The following ANGPTL5 variants were observed in gnomAD, a reference collection of about 807,000 sequenced individuals.
ANGPTL5 encodes angiopoietin-related protein 5.
A neutral mutation model predicts 39.4 loss-of-function variants in ANGPTL5; 34 were observed. The observed-to-expected ratio is 0.86, with a 90% confidence interval of 0.66 to 1.15. The LOEUF is 1.15. Among genes scored for constraint, ANGPTL5 ranks in the 50% most tolerant of loss-of-function variants. The pLI, the probability that ANGPTL5 is intolerant of heterozygous loss-of-function variation, is 0.00. For missense variants in ANGPTL5, 467 were observed against 457.5 expected, an observed-to-expected ratio of 1.02 and a Z score of -0.19; for synonymous variants, 146 against 152.1, an observed-to-expected ratio of 0.96 and a Z score of 0.29.
chr11:101,907,670 C>A, intron 2 of ANGPTL5, 144 bp downstream of exon 2: 1 of 621,784 alleles, frequency 1.6e-6, no homozygotes. Context: ...AATATTAAAG[C>A]AATTTTCAAC....
rs569131365 is a variant in ANGPTL5, at chr11:101,904,289, T to C, written c.439+525A>G. On this transcript the variant is annotated intron_variant, in intron 5 of 8. Transcript: ENST00000334289. ...CTTTAAACATTTGGGGATAAATTCA[T>C]ATTTATAAGATTTATAGGGTATTTT... Among the ~76,000 whole-genome samples, 144 of 152,276 alleles carry C rather than the reference T, an allele frequency of 9.5e-4. 1 individual carries two copies. Among genetic ancestry groups the C allele is most frequent in the Middle Eastern group, 3.4e-3 (1 of 294 alleles).
At chr11:101,915,190 G>C in intron 1 of ANGPTL5, 1 of 1,548,782 alleles carries the variant, frequency 6.5e-7, no homozygotes, top group Non-Finnish European at 8.8e-7. Context: ...CTGAGAGACG[G>C]AGTGTAGGGA....
intron 1 of ANGPTL5, among the ~76,000 whole-genome samples, chr11:101,910,186 G>A (rs899541925): frequency 1.1e-4 from 17 of 152,090 alleles, no homozygotes; most frequent in East Asian, 5.8e-4. Flanking sequence ...TGAGGCGGGC[G>A]GATTACCTGA....
chr11:101,903,026 C>G (rs898629175), intron 5 of ANGPTL5, among the ~76,000 whole-genome samples: 8 of 151,908 alleles, frequency 5.3e-5, no homozygotes, highest in Non-Finnish European at 1.2e-4. Context: ...TTCTCTTTAC[C>G]AATAAATAAT....
intron 7 of ANGPTL5, among the ~76,000 whole-genome samples, chr11:101,899,651 G>A (rs1299798175): frequency 6.6e-6 from 1 of 152,182 alleles, no homozygotes; most frequent in East Asian, 1.9e-4. Context: ...GCAGTTACCT[G>A]GGTATAAGCC....
rs1047583121 is a variant in ANGPTL5 at position 101,915,113 on chromosome 11, G to T, written c.-93+906C>A. 28 of 969,732 alleles carry T rather than the reference G, an allele frequency of 2.9e-5. No homozygotes were observed. The Admixed American group carries it at 4.5e-4, about 16-fold the overall frequency. The allele number at this position is 969,732 out of a possible 1,614,324, so 60.1% of individuals were successfully genotyped here. On this transcript the variant is annotated intron_variant, in intron 1 of 8. Coordinates refer to ENST00000334289, the MANE Select transcript of ANGPTL5 (RefSeq NM_178127.5). ...GCCTCAGCTGCCATCGCCGCTACAG[G>T]CACCAGTGCCGCTGCGCGGGAGCTA...
rs1939764859 is a variant in ANGPTL5 at position 101,894,926 on chromosome 11, T to C, written c.800A>G (p.Glu267Gly). 2 of 1,613,654 alleles carry C rather than the reference T, an allele frequency of 1.2e-6. No homozygotes were observed. Among genetic ancestry groups the C allele is most frequent in the Non-Finnish European group, 8.5e-7 (1 of 1,179,720 alleles). The change falls in exon 8 of 9, where the codon GAA becomes GGA. Residue 267 changes from glutamate to glycine, a missense_variant. By Grantham distance (98) the Glu-to-Gly change is moderately conservative (BLOSUM62 -2). Coordinates refer to ENST00000334289, the MANE Select transcript of ANGPTL5 (RefSeq NM_178127.5). ...ASYDNFWLED[E>G]TRFFKMHLGR... ...TAAGTGCATTTTAAAAAATCTCGTT[T>C]CATCCTCTAGCCAAAAATTATCATA...
intron 1 of ANGPTL5, among the ~76,000 whole-genome samples, chr11:101,911,655 A>G (rs1019422103): frequency 5.9e-5 from 9 of 152,158 alleles, no homozygotes; most frequent in African/African-American, 2.2e-4. Flanking sequence ...ACCATGAGTA[A>G]AAAGCTCCCT....
chr11:101,900,265 C>G, intron 7 of ANGPTL5, among the ~76,000 whole-genome samples, 165 bp downstream of exon 7: 1 of 152,110 alleles, frequency 6.6e-6, no homozygotes, highest in East Asian at 1.9e-4. Context: ...CACTGAAGAC[C>G]TACTTATTTT....
intron 1 of ANGPTL5, 31 bp downstream of exon 1, chr11:101,915,987 CT>C (rs1241862122): frequency 1.3e-5 from 2 of 152,250 alleles, no homozygotes; most frequent in African/African-American, 4.8e-5. Context: ...TGGATTAACT[CT>C]GACTTTTCTC....
chr11:101,896,412 G>A (rs1939796365), intron 7 of ANGPTL5, among the ~76,000 whole-genome samples: 1 of 151,908 alleles, frequency 6.6e-6, no homozygotes, highest in South Asian at 2.1e-4. Context: ...AAATGTGCAG[G>A]TTTGTTACAC....
In ANGPTL5 at chr11:101,916,207, G is replaced by A. The variant is rs1940208829; in HGVS notation, c.-281C>T. Reference sequence around the variant, plus strand: ...TCATCTTCAGTCTTGTCAGAGATGAGTGTCTTCTCTTTCCAAGTTAACTCT... The same window carrying A: ...TCATCTTCAGTCTTGTCAGAGATGAATGTCTTCTCTTTCCAAGTTAACTCT... On this transcript the variant is annotated 5_prime_UTR_variant, in exon 1 of 9. Coordinates refer to ENST00000334289, the MANE Select transcript of ANGPTL5 (RefSeq NM_178127.5). The A allele has an allele frequency of 6.6e-6, 1 of 152,220 alleles. No individual in the cohort carries two copies. Among genetic ancestry groups the A allele is most frequent in the Admixed American group, 6.5e-5 (1 of 15,278 alleles). 9.4% of individuals were successfully genotyped at this position (152,220 alleles called of 1,614,324 possible).
Position 101,891,422 on chromosome 11 carries a change from T to C in ANGPTL5, c.1024A>G (p.Asn342Asp). 6.2e-7 allele frequency: 1 copy of C among 1,614,100 alleles called. No individual in the cohort carries two copies. The highest frequency in any genetic ancestry group is 8.5e-7 in the Non-Finnish European group (1 of 1,179,992). Residue 342 changes from asparagine to aspartate, a missense_variant, in exon 9 of 9, where the codon AAT becomes GAT. Transcript: ENST00000334289. ...GWWFNECGLA[N>D]LNGIHHFSGK... ...GAGAAGTGATGAATGCCATTTAGAT[T>C]TGCTAGACCACACTCGTTAAACCAC...
chr11:101,902,780 T>C (rs192881327), intron 5 of ANGPTL5, 59 bp from the exon 6 acceptor site: 3 of 1,113,152 alleles, frequency 2.7e-6, no homozygotes, highest in Admixed American at 1.7e-5. Context: ...AGGCAATCAT[T>C]TTACTATAGA....
chr11:101,910,505 T>C (rs1940074851), intron 1 of ANGPTL5, among the ~76,000 whole-genome samples: 1 of 151,798 alleles, frequency 6.6e-6, no homozygotes, highest in Admixed American at 6.6e-5. Context: ...ATTATTAGTT[T>C]CCTTTGTAAA....
At chr11:101,894,265 A>G (rs1252228260) in intron 8 of ANGPTL5, among the ~76,000 whole-genome samples, 1 of 152,254 alleles carries the variant, frequency 6.6e-6, no homozygotes, top group African/African-American at 2.4e-5. Context: ...TACCACAAAC[A>G]GCAACAAGGG....
At chr11:101,912,132 A>T (rs866289313) in intron 1 of ANGPTL5, among the ~76,000 whole-genome samples, 3 of 152,244 alleles carry the variant, frequency 2.0e-5, no homozygotes, top group Admixed American at 2.0e-4. Context: ...AAGGACTTTG[A>T]AGTTTTATTC....
chr11:101,895,562 G>C (rs1005661980), intron 7 of ANGPTL5, among the ~76,000 whole-genome samples: 1 of 152,140 alleles, frequency 6.6e-6, no homozygotes, highest in Middle Eastern at 3.4e-3. Flanking sequence ...ATTTTTTTCT[G>C]TCTTGGAATA....
At chr11:101,912,458 A>G (rs900573529) in intron 1 of ANGPTL5, among the ~76,000 whole-genome samples, 1 of 152,214 alleles carries the variant, frequency 6.6e-6, no homozygotes, top group Non-Finnish European at 1.5e-5. Context: ...ATCAAGCATC[A>G]TGATGTTCAG....
Sources: allele counts gnomAD v4.1 joint callset (sites outside exome capture counted in the v4.1 genomes callset), GRCh38; gene constraint gnomAD v4.1.1; transcripts MANE v1.5; gene names NCBI Gene and HGNC (gene_info 2026-07-23, HGNC 2026-07-21).